The following DENND4A variants were observed in gnomAD, a reference collection of about 807,000 sequenced individuals.
DENND4A encodes the protein C-myc promoter-binding protein.
In DENND4A, 70 loss-of-function variants were observed where a neutral mutation model predicts 199.3. The ratio of observed to expected loss-of-function variants is 0.35; its 90% CI spans 0.29 to 0.43. The LOEUF is 0.43. Ranked by LOEUF, DENND4A falls within the 20% of genes least tolerant of loss-of-function variation. The probability of loss-of-function intolerance (pLI) is 1.00; values close to 1 mark genes in which losing one functional copy is unlikely to be tolerated. For synonymous variants in DENND4A, 686 were observed against 766.9 expected, an observed-to-expected ratio of 0.89 and a Z score of 1.74; for missense variants, 1,723 against 2,255.8, an observed-to-expected ratio of 0.76 and a Z score of 4.78.
intron 8 of DENND4A, 92 bp from the exon 9 acceptor site, chr15:65,731,792 C>T (rs2075969165): frequency 2.2e-6 from 2 of 892,558 alleles, no homozygotes; most frequent in Non-Finnish European, 3.4e-6. Flanking sequence ...AATGATTATG[C>T]CCATGAAGTT....
In DENND4A at chr15:65,676,479, G is replaced by A. The variant is rs1027322433; in HGVS notation, c.4335C>T (p.Ser1445=). Residue 1445 remains serine (S), a synonymous_variant, in exon 24 of 33, where the codon AGC becomes AGT. Coordinates refer to ENST00000443035, the MANE Select transcript of DENND4A (RefSeq NM_001320835.1). ...ATSGTKRIDL[S]RISLESSASL... ...ATGCAGAACTTTCCAGGCTTATTCG[G>A]CTGAGATCAATTCTCTTAGTCCCTG... The A allele has an allele frequency of 3.1e-6, 5 of 1,610,632 alleles. No homozygotes were observed. The African/African-American group carries it at 6.7e-5, about 22-fold the overall frequency.
intron 29 of DENND4A, among the ~76,000 whole-genome samples, chr15:65,665,848 G>A (rs1402806165): frequency 6.6e-6 from 1 of 152,138 alleles, no homozygotes; most frequent in Non-Finnish European, 1.5e-5. Context: ...CTGAAAATCC[G>A]AAGCACATGC....
intron 8 of DENND4A, among the ~76,000 whole-genome samples, chr15:65,732,522 A>G (rs1417449919): frequency 1.3e-5 from 2 of 152,132 alleles, no homozygotes; most frequent in Non-Finnish European, 2.9e-5. Flanking sequence ...CAAAATGTCT[A>G]CTTCAACCTA....
chr15:65,781,451 C>T (rs752494057), intron 1 of DENND4A, among the ~76,000 whole-genome samples: 29 of 152,036 alleles, frequency 1.9e-4, no homozygotes, highest in East Asian at 5.8e-4. Context: ...TTCCTAATAA[C>T]GCAGAAGTTG....
chr15:65,750,141 C>T (rs116229872), intron 4 of DENND4A, among the ~76,000 whole-genome samples: 1,801 of 152,086 alleles, frequency 0.012, 47 homozygotes, highest in African/African-American at 0.042. Flanking sequence ...TTTTTTAATA[C>T]TATACAATCA....
chr15:65,715,490 AT>A lies in DENND4A; in HGVS notation c.1940del (p.Asp647ValfsTer3). ...DKDASLAFFD[D>X]CVDKVDMDKS... ...TACTGTTACTTACTTTATCTACACA[AT>A]CATCAAAAAATGCCAGGCTTGCATC... On this transcript the variant is annotated frameshift_variant, in exon 14 of 33. Transcript: ENST00000443035. LOFTEE classifies it high-confidence loss of function. 6.2e-7 allele frequency: 1 copy of A among 1,610,196 alleles called. No homozygotes were observed. Among genetic ancestry groups the A allele is most frequent in the Non-Finnish European group, 8.5e-7 (1 of 1,179,114 alleles).
intron 22 of DENND4A, among the ~76,000 whole-genome samples, chr15:65,693,051 ATACT>A (rs2077025921): frequency 6.6e-6 from 1 of 152,180 alleles, no homozygotes; most frequent in South Asian, 2.1e-4. Context: ...AAGGCCTGAA[ATACT>A]TACTATTCGG....
At chr15:65,789,802 C>G (rs147421435) in intron 1 of DENND4A, among the ~76,000 whole-genome samples, 1 of 152,150 alleles carries the variant, frequency 6.6e-6, no homozygotes. Flanking sequence ...CTGCAAACAA[C>G]AAAATATAAT....
intron 9 of DENND4A, 115 bp downstream of exon 9, chr15:65,731,527 G>C (rs1300817745): frequency 7.4e-6 from 6 of 808,256 alleles, no homozygotes; most frequent in Non-Finnish European, 1.2e-5. Flanking sequence ...TAGAGAAGTA[G>C]TAGTTAAATG....
Position 65,660,148 on chromosome 15 carries a change from A to C in DENND4A, c.*1703T>G. On this transcript the variant is annotated 3_prime_UTR_variant, in exon 33 of 33. Coordinates refer to ENST00000443035, the MANE Select transcript of DENND4A (RefSeq NM_001320835.1). ...TGAAGCTTGGATCTGAATAGTAAAG[A>C]ATAATATTGGAGTGGTATTTACAAA... is the stretch of plus-strand genomic sequence containing the variant. 1.6e-6 allele frequency: 1 copy of C among 627,590 alleles called. No homozygotes were observed. The highest frequency in any genetic ancestry group is 2.8e-5 in the East Asian group (1 of 36,116). The allele number at this position is 627,590 out of a possible 1,614,324, so 38.9% of individuals were successfully genotyped here.
Position 65,659,723 on chromosome 15 carries a change from G to C in DENND4A, c.*2128C>G, listed in dbSNP as rs1351405136. 6.5e-6 allele frequency: 1 copy of C among 152,876 alleles called. No individual in the cohort carries two copies. Among genetic ancestry groups the C allele is most frequent in the Non-Finnish European group, 1.5e-5 (1 of 68,596 alleles). The allele number at this position is 152,876 out of a possible 1,614,324, so 9.5% of individuals were successfully genotyped here. A position where few individuals can be genotyped will look rare whatever the true frequency, so the allele number is the denominator to read the frequency against. On this transcript the variant is annotated 3_prime_UTR_variant, in exon 33 of 33. Transcript: ENST00000443035. ...TGTTTTAGGTTTTAAGACTAAATCT[G>C]TGCAATAATATTCCCTAGGGATTAA...
chr15:65,740,084 G>C (rs2076216378), intron 5 of DENND4A, among the ~76,000 whole-genome samples: 1 of 152,050 alleles, frequency 6.6e-6, no homozygotes, highest in Non-Finnish European at 1.5e-5. Context: ...GGGAGGCTGA[G>C]GCAGGAGAAT....
intron 1 of DENND4A, among the ~76,000 whole-genome samples, chr15:65,782,309 C>G (rs185104474): frequency 6.6e-6 from 1 of 152,304 alleles, no homozygotes; most frequent in East Asian, 1.9e-4. Flanking sequence ...CTCAGCTCTT[C>G]ACATTTCTGG....
intron 18 of DENND4A, 34 bp downstream of exon 18, chr15:65,701,728 T>C (rs1194898551): frequency 6.3e-7 from 1 of 1,595,704 alleles, no homozygotes; most frequent in Admixed American, 1.7e-5. Flanking sequence ...ATGACAAAAG[T>C]AATACTCTTT....
intron 1 of DENND4A, among the ~76,000 whole-genome samples, chr15:65,778,519 AG>A (rs1391290628): frequency 6.6e-6 from 1 of 151,976 alleles, no homozygotes; most frequent in African/African-American, 2.4e-5. Flanking sequence ...GAAATACTAC[AG>A]GTTAGGTTCC....
chr15:65,666,317 T>C (rs1490130257), intron 29 of DENND4A, among the ~76,000 whole-genome samples: 2 of 152,156 alleles, frequency 1.3e-5, no homozygotes, highest in South Asian at 2.1e-4. Context: ...AGGAGTTACA[T>C]GAACACAAGC....
At chr15:65,712,466 AACAT>A (rs2075279513) in intron 14 of DENND4A, among the ~76,000 whole-genome samples, 2 of 152,212 alleles carry the variant, frequency 1.3e-5, no homozygotes, top group African/African-American at 2.4e-5. Context: ...ACATTTTAAA[AACAT>A]ACATAAGAAA....
chr15:65,785,684 A>G (rs963970093), intron 1 of DENND4A, among the ~76,000 whole-genome samples: 1 of 152,108 alleles, frequency 6.6e-6, no homozygotes, highest in Non-Finnish European at 1.5e-5. Context: ...AACTACGTAT[A>G]TAATAGTTAT....
At chr15:65,685,686 G>A (rs1269985259) in intron 23 of DENND4A, among the ~76,000 whole-genome samples, 1 of 152,026 alleles carries the variant, frequency 6.6e-6, no homozygotes, top group Non-Finnish European at 1.5e-5. Flanking sequence ...TCAATCTGTG[G>A]TTGGTTGAAT....
Sources: gnomAD v4.1 joint callset for allele counts (sites outside exome capture counted in the v4.1 genomes callset) on GRCh38, gnomAD v4.1.1 for gene constraint, MANE v1.5 for transcripts, NCBI Gene and HGNC (gene_info 2026-07-23, HGNC 2026-07-21) for gene names.